ALOX5AP: variants seen among roughly 807,000 people sequenced by gnomAD.
ALOX5AP encodes the protein arachidonate 5-lipoxygenase-activating protein.
ALOX5AP carries 9 observed loss-of-function variants against 18.5 expected under a neutral mutation model. The observed-to-expected ratio is 0.49, with a 90% CI of 0.29 to 0.85. ALOX5AP has a LOEUF of 0.85. Ranked by LOEUF, ALOX5AP falls within the 40% of genes least tolerant of loss-of-function variation. The pLI is 0.08. For synonymous variants in ALOX5AP, 81 were observed against 78.6 expected (o/e 1.03, Z -0.16); for missense variants, 172 against 202.5 (o/e 0.85, Z 0.91).
intron 1 of ALOX5AP, among the ~76,000 whole-genome samples, chr13:30,737,148 T>G (rs1951728254): frequency 6.6e-6 from 1 of 152,232 alleles, no homozygotes; most frequent in Admixed American, 6.5e-5. Context: ...CTGAGGAGCA[T>G]CGGTGGACAG....
Position 30,756,707 on chromosome 13 carries a change from A to G in ALOX5AP, c.323+682A>G, listed in dbSNP as rs567391294. 3.3e-5 allele frequency among the ~76,000 whole-genome samples: 5 copies of G among 150,116 alleles called. No homozygotes were observed. In the South Asian group the frequency reaches 6.3e-4, roughly 19 times the overall value. On this transcript the variant is annotated intron_variant, in intron 4 of 4. Transcript: ENST00000380490. Reference sequence around the variant, plus strand: ...GGGCGCCTGTAATCCCAGCTACTCCATAGGCTGAGGCTGGAGAATCGCTTG... The same window carrying G: ...GGGCGCCTGTAATCCCAGCTACTCCGTAGGCTGAGGCTGGAGAATCGCTTG...
chr13:30,744,144 G>C lies in ALOX5AP; in HGVS notation c.155G>C (p.Arg52Pro). 2 of 1,613,758 alleles carry C rather than the reference G, an allele frequency of 1.2e-6. No individual in the cohort carries two copies. Among genetic ancestry groups the C allele is most frequent in the Non-Finnish European group, 1.7e-6 (2 of 1,179,820 alleles). The change falls in exon 2 of 5, where the codon CGG becomes CCG. Residue 52 changes from arginine (R) to proline (P), a missense_variant. Arg to Pro is a moderately radical substitution (Grantham distance 103). Transcript: ENST00000380490. ...AGGACCGGAACACTTGCCTTTGAGC[G>C]GGTCTACACTGCCAAGTGAGTCCTA... ...FQRTGTLAFE[R>P]VYTANQNCVD...
At chr13:30,732,631 T>A (rs1338342503), upstream of ALOX5AP, among the ~76,000 whole-genome samples, 2 of 152,074 alleles carry the variant, frequency 1.3e-5, no homozygotes, top group African/African-American at 4.8e-5. Context: ...CCTGGGCCAA[T>A]GAGGCTGTCC....
intron 1 of ALOX5AP, among the ~76,000 whole-genome samples, chr13:30,741,162 GC>G: frequency 8.8e-6 from 1 of 114,196 alleles, no homozygotes; most frequent in South Asian, 2.7e-4. Context: ...TTGCTCTGTC[GC>G]CCTGGCTGGA....
rs533776591 is a variant in ALOX5AP, at chr13:30,748,048, T to A, written c.170+3889T>A. On this transcript the variant is annotated intron_variant, in intron 2 of 4. Coordinates refer to ENST00000380490, the MANE Select transcript of ALOX5AP (RefSeq NM_001629.4). ...AATTTTTGTGCCTCAGCCTCCTGAG[T>A]AGCTGGGATTACAGCATGCACCACC... Among the ~76,000 whole-genome samples, 52 of 152,218 alleles carry A rather than the reference T, an allele frequency of 3.4e-4. No individual in the cohort carries two copies. In the South Asian group the frequency reaches 7.9e-3, roughly 23 times the overall value.
At chr13:30,763,665 G>A (rs142449198) in intron 4 of ALOX5AP, among the ~76,000 whole-genome samples, 1 of 152,300 alleles carries the variant, frequency 6.6e-6, no homozygotes, top group East Asian at 1.9e-4. Context: ...TGGAGTTAAG[G>A]AAATCATGAG....
At chr13:30,747,762 T>A (rs1951820744) in intron 2 of ALOX5AP, among the ~76,000 whole-genome samples, 1 of 152,246 alleles carries the variant, frequency 6.6e-6, no homozygotes, top group South Asian at 2.1e-4. Context: ...GATTCTTGGT[T>A]TTCTAAGAGG....
chr13:30,763,420 A>G (rs146899335), intron 4 of ALOX5AP, among the ~76,000 whole-genome samples: 2 of 152,364 alleles, frequency 1.3e-5, no homozygotes, highest in African/African-American at 4.8e-5. Flanking sequence ...ATGAATGTAG[A>G]TATGAATTAT....
upstream of ALOX5AP, among the ~76,000 whole-genome samples, chr13:30,733,035 T>G (rs4075473): frequency 0.21 from 32,327 of 151,598 alleles, 3,682 homozygotes; most frequent in East Asian, 0.33. Context: ...GGTGGGTGCC[T>G]GTAGTCCCAG....
chr13:30,738,355 A>G (rs1951736733), intron 1 of ALOX5AP, among the ~76,000 whole-genome samples: 1 of 152,258 alleles, frequency 6.6e-6, no homozygotes, highest in African/African-American at 2.4e-5. Flanking sequence ...AGTTTAAAAT[A>G]CATGATTCTA....
intron 3 of ALOX5AP, among the ~76,000 whole-genome samples, chr13:30,754,024 G>A (rs1029503548): frequency 6.6e-6 from 1 of 152,192 alleles, no homozygotes; most frequent in Non-Finnish European, 1.5e-5. Flanking sequence ...CAGGTCACTT[G>A]AGGTTGGGAG....
chr13:30,713,874 G>A (rs1162955796), intron 1 of ALOX5AP: 1 of 1,528,494 alleles, frequency 6.5e-7, no homozygotes, highest in Non-Finnish European at 8.8e-7. Flanking sequence ...ACGCGCATGT[G>A]TGTGCATCTT....
At chr13:30,758,377 G>A (rs1951913586) in intron 4 of ALOX5AP, among the ~76,000 whole-genome samples, 1 of 152,198 alleles carries the variant, frequency 6.6e-6, no homozygotes, top group South Asian at 2.1e-4. Flanking sequence ...ACCTGCTTTA[G>A]TTCTTGACCT....
At chr13:30,743,740 C>G (rs541714961) in intron 1 of ALOX5AP, among the ~76,000 whole-genome samples, 1 of 152,014 alleles carries the variant, frequency 6.6e-6, no homozygotes, top group Non-Finnish European at 1.5e-5. Flanking sequence ...CTGAAAGCAC[C>G]ATGTACTCAA....
At chr13:30,727,367 C>T (rs1469736711) in intron 1 of ALOX5AP, among the ~76,000 whole-genome samples, 1 of 151,726 alleles carries the variant, frequency 6.6e-6, no homozygotes, top group Non-Finnish European at 1.5e-5. Context: ...TGGGAGGCAA[C>T]TTTAGCATGG....
At chr13:30,743,973 G>A in intron 1 of ALOX5AP, 87 bp from the exon 2 acceptor site, 2 of 1,108,806 alleles carry the variant, frequency 1.8e-6, no homozygotes, top group South Asian at 2.6e-5. Context: ...AAGTCAAGGA[G>A]GCATTTAACA....
intron 1 of ALOX5AP, among the ~76,000 whole-genome samples, chr13:30,726,907 A>G (rs1951643680): frequency 6.6e-6 from 1 of 152,120 alleles, no homozygotes; most frequent in Non-Finnish European, 1.5e-5. Flanking sequence ...TTAACTTTAT[A>G]TCTCAGTATT....
At chr13:30,745,798 ATGAGG>A (rs1951804561) in intron 2 of ALOX5AP, among the ~76,000 whole-genome samples, 1 of 152,226 alleles carries the variant, frequency 6.6e-6, no homozygotes, top group Non-Finnish European at 1.5e-5. Context: ...GGTGTCTTTG[ATGAGG>A]CAAGGTCAAA....
chr13:30,742,769 C>T lies in ALOX5AP; in HGVS notation c.71-1291C>T, dbSNP rs117674414. On this transcript the variant is annotated intron_variant, in intron 1 of 4. Coordinates refer to ENST00000380490, the MANE Select transcript of ALOX5AP (RefSeq NM_001629.4). ...TGAAAAGGAACCCTGTGGTTGGATCCCTGACAATCACATGTATCCCTTTTT... is the reference window on the plus strand; with the variant it reads ...TGAAAAGGAACCCTGTGGTTGGATCTCTGACAATCACATGTATCCCTTTTT... 1.9e-3 allele frequency among the ~76,000 whole-genome samples: 286 copies of T among 152,114 alleles called. 1 individual carries two copies. Among genetic ancestry groups the T allele is most frequent in the Admixed American group, 6.0e-3 (91 of 15,284 alleles).
Sources: allele counts gnomAD v4.1 joint callset (sites outside exome capture counted in the v4.1 genomes callset), GRCh38; gene constraint gnomAD v4.1.1; transcripts MANE v1.5; gene names NCBI Gene and HGNC (gene_info 2026-07-23, HGNC 2026-07-21).